The following KANK1 variants were observed in gnomAD, a reference collection of about 807,000 sequenced individuals.
KANK1 encodes KN motif and ankyrin repeat domains 1.
In KANK1, 109 loss-of-function variants were observed where a neutral mutation model predicts 106.2. That is an observed-to-expected ratio of 1.03 (90% CI 0.88 to 1.20). KANK1 has a LOEUF of 1.20. Ranked by LOEUF, KANK1 falls within the 50% of genes most tolerant of loss-of-function variation. KANK1 has a pLI of 0.00. For missense variants in KANK1, 2,399 were observed against 1,710.7 expected (o/e 1.40, Z -7.10); for synonymous variants, 873 against 652.2 (o/e 1.34, Z -5.16).
chr9:723,533 G>A (rs1057324423), intron 3 of KANK1, among the ~76,000 whole-genome samples: 1 of 152,158 alleles, frequency 6.6e-6, no homozygotes, highest in African/African-American at 2.4e-5. Flanking sequence ...GCCAAGGTGG[G>A]AGGATTGCTT....
chr9:622,469 CAA>C (rs1554652132), intron 1 of KANK1, among the ~76,000 whole-genome samples: 1 of 152,104 alleles, frequency 6.6e-6, no homozygotes, highest in Non-Finnish European at 1.5e-5. Context: ...AGCATCCTGA[CAA>C]GGGTGCCAAG....
At chr9:724,816 T>C (rs981332689) in intron 3 of KANK1, among the ~76,000 whole-genome samples, 8 of 150,796 alleles carry the variant, frequency 5.3e-5, no homozygotes, top group Non-Finnish European at 1.0e-4. Flanking sequence ...AAAACAAGAG[T>C]GTTCTGGCAT....
At chr9:635,623 A>T (rs887405427) in intron 1 of KANK1, among the ~76,000 whole-genome samples, 13 of 152,158 alleles carry the variant, frequency 8.5e-5, no homozygotes, top group African/African-American at 3.1e-4. Context: ...TGAGTAGAAT[A>T]AGAAAAAGTT....
chr9:508,299 G>A lies in KANK1; in HGVS notation c.-84+3545G>A, dbSNP rs139396177. Among the ~76,000 whole-genome samples, 260 of 151,528 alleles carry A rather than the reference G, an allele frequency of 1.7e-3. 2 individuals are homozygous for A. Among genetic ancestry groups the A allele is most frequent in the African/African-American group, 6.1e-3 (250 of 41,298 alleles). On this transcript the variant is annotated intron_variant, in intron 1 of 11. Transcript: ENST00000382297. ...ATTGCAGGCATCTGCCACCATGCCC[G>A]GCTAATTTTGTATGTTTAGTAGAAA...
At chr9:550,777 C>T (rs79076661) in intron 1 of KANK1, among the ~76,000 whole-genome samples, 5,245 of 152,232 alleles carry the variant, frequency 0.034, 116 homozygotes, top group Non-Finnish European at 0.054. Flanking sequence ...GCGTAAGGCC[C>T]AGGCATCTTT....
At chr9:652,344 A>G (rs572985442) in intron 1 of KANK1, among the ~76,000 whole-genome samples, 1 of 152,220 alleles carries the variant, frequency 6.6e-6, no homozygotes, top group African/African-American at 2.4e-5. Flanking sequence ...AACATGGTGA[A>G]ACCCCGTATC....
chr9:643,980 G>A (rs111407883), intron 1 of KANK1, among the ~76,000 whole-genome samples: 10,580 of 151,024 alleles, frequency 0.07, 875 homozygotes, highest in African/African-American at 0.13. Flanking sequence ...TGGGATTACA[G>A]GCGTGAGCTG....
At chr9:540,656 C>A (rs1447426314) in intron 1 of KANK1, 2 of 152,106 alleles carry the variant, frequency 1.3e-5, no homozygotes, top group Non-Finnish European at 1.5e-5. Context: ...CTGGGATATT[C>A]TTTGTTGAGA....
upstream of KANK1, among the ~76,000 whole-genome samples, chr9:502,498 G>A (rs114620920): frequency 2.8e-3 from 427 of 151,666 alleles, 4 homozygotes; most frequent in African/African-American, 9.9e-3. Context: ...AAGGAGAGGT[G>A]AAGGCTGGGA....
intron 1 of KANK1, among the ~76,000 whole-genome samples, chr9:570,945 C>T (rs567629840): frequency 6.6e-6 from 1 of 152,204 alleles, no homozygotes; most frequent in East Asian, 1.9e-4. Context: ...TTTTTTTGAA[C>T]ATCATTTTCT....
At chr9:634,612 A>G (rs1052037420) in intron 1 of KANK1, among the ~76,000 whole-genome samples, 4 of 152,150 alleles carry the variant, frequency 2.6e-5, no homozygotes, top group African/African-American at 4.8e-5. Flanking sequence ...TTACAAAGGC[A>G]GTTTCAGCAC....
chr9:695,542 C>A (rs1326860350), intron 2 of KANK1, among the ~76,000 whole-genome samples: 3 of 151,798 alleles, frequency 2.0e-5, no homozygotes, highest in African/African-American at 7.3e-5. Flanking sequence ...CAATGTAGAA[C>A]TCAAGATTTT....
At chr9:512,510 A>C (rs1482820823) in intron 1 of KANK1, among the ~76,000 whole-genome samples, 1 of 152,146 alleles carries the variant, frequency 6.6e-6, no homozygotes, top group Non-Finnish European at 1.5e-5. Context: ...TACCTGATTT[A>C]AATGTGAATC....
In KANK1 at chr9:740,842, T is replaced by C. The variant is rs528189236; in HGVS notation, c.3604T>C (p.Leu1202=). 3 of 1,614,124 alleles carry C rather than the reference T, an allele frequency of 1.9e-6. No homozygotes were observed. Among genetic ancestry groups the C allele is most frequent in the African/African-American group, 1.3e-5 (1 of 75,054 alleles). The change falls in exon 9 of 12, where the codon TTG becomes CTG. Residue 1202 remains leucine, a synonymous_variant. Transcript: ENST00000382297. ...CAAGGCAGGCTACACCCCCATCATG[T>C]TGGCGGCCCTCGCCGCTGTGGAAGC... is the stretch of plus-strand genomic sequence containing the variant. ...QNKAGYTPIM[L]AALAAVEAEK...
In KANK1 at chr9:732,795, T is replaced by C. The variant is rs368300783; in HGVS notation, c.3245+178T>C. On this transcript the variant is annotated intron_variant, in intron 6 of 11. Transcript: ENST00000382297. The stretch of plus-strand genomic sequence containing the variant: ...CAGAGTATTACAACTCTTAGATCTC[T>C]TATGGTAGAATGGCCTGGTACCTAA... The C allele has an allele frequency of 2.3e-5, 14 of 610,288 alleles. 1 individual carries two copies. Among genetic ancestry groups the C allele is most frequent in the East Asian group, 1.7e-4 (6 of 34,578 alleles). 37.8% of individuals were successfully genotyped at this position (610,288 alleles called of 1,614,324 possible). A position where few individuals can be genotyped will look rare whatever the true frequency, so the allele number is the denominator to read the frequency against.
intron 3 of KANK1, among the ~76,000 whole-genome samples, chr9:721,158 C>G (rs1829215461): frequency 6.6e-6 from 1 of 152,112 alleles, no homozygotes; most frequent in African/African-American, 2.4e-5. Flanking sequence ...ATCTTTAGAG[C>G]CAATGGAAGC....
chr9:573,468 C>G (rs1452817115), intron 1 of KANK1, among the ~76,000 whole-genome samples: 1 of 152,068 alleles, frequency 6.6e-6, no homozygotes, highest in Non-Finnish European at 1.5e-5. Context: ...AATAGGGTTT[C>G]ACCGTGTTAG....
intron 1 of KANK1, among the ~76,000 whole-genome samples, chr9:570,944 A>T (rs1456455254): frequency 6.6e-6 from 1 of 152,146 alleles, no homozygotes; most frequent in Non-Finnish European, 1.5e-5. Context: ...ATTTTTTTGA[A>T]CATCATTTTC....
intron 3 of KANK1, among the ~76,000 whole-genome samples, chr9:726,441 C>G (rs1400055308): frequency 1.3e-5 from 2 of 152,048 alleles, no homozygotes; most frequent in Non-Finnish European, 2.9e-5. Context: ...GAGTTCGAGT[C>G]CAACCTGGCC....
Sources: gnomAD v4.1 joint callset for allele counts (sites outside exome capture counted in the v4.1 genomes callset) on GRCh38, gnomAD v4.1.1 for gene constraint, MANE v1.5 for transcripts, NCBI Gene and HGNC (gene_info 2026-07-23, HGNC 2026-07-21) for gene names.